ZC3H12B: variants seen among roughly 807,000 people sequenced by gnomAD.
ZC3H12B encodes zinc finger CCCH-type containing 12B.
A neutral mutation model predicts 43.9 loss-of-function variants in ZC3H12B; 7 were observed. The ratio of observed to expected loss-of-function variants is 0.16; its 90% CI spans 0.09 to 0.30. The LOEUF is 0.30. ZC3H12B is among the 10% of genes least tolerant of loss of function. The pLI is 1.00. For missense variants in ZC3H12B, 475 were observed against 670.2 expected (o/e 0.71, Z 3.22); for synonymous variants, 222 against 241.7 (o/e 0.92, Z 0.76).
chrX:65,291,237 A>G, the ZC3H12B span, among the ~76,000 whole-genome samples: 9 of 111,400 alleles, frequency 8.1e-5, no homozygotes. Flanking sequence ...CAGTATGGAA[A>G]TTCCCCGACA....
chrX:65,150,596 T>A, the ZC3H12B span, among the ~76,000 whole-genome samples: 435 of 110,965 alleles, frequency 3.9e-3, 1 homozygote, highest in Non-Finnish European at 6.6e-3. Flanking sequence ...GTGTTTGGTT[T>A]TCTGTTCTTG....
At chrX:65,352,485 A>T in the ZC3H12B span, among the ~76,000 whole-genome samples, 1 of 111,318 alleles carries the variant, frequency 9.0e-6, no homozygotes, top group Non-Finnish European at 1.9e-5. Flanking sequence ...AAAAAAGAAA[A>T]AGAAAAAGAA....
At chrX:65,144,522 G>A in the ZC3H12B span, among the ~76,000 whole-genome samples, 3 of 111,159 alleles carry the variant, frequency 2.7e-5, no homozygotes, top group African/African-American at 9.8e-5. Flanking sequence ...TTTGGGTTTG[G>A]TGTGTTCTTG....
At chrX:65,263,684 G>A in the ZC3H12B span, among the ~76,000 whole-genome samples, 1 of 111,296 alleles carries the variant, frequency 9.0e-6, no homozygotes, top group African/African-American at 3.3e-5. Context: ...CAGGGATATG[G>A]CCTTAAAAGT....
At chrX:65,163,692 G>A in the ZC3H12B span, among the ~76,000 whole-genome samples, 1 of 111,567 alleles carries the variant, frequency 9.0e-6, no homozygotes, top group Non-Finnish European at 1.9e-5. Flanking sequence ...CTTTGACTAG[G>A]AAAGGGAACT....
chrX:65,236,029 G>T, the ZC3H12B span, among the ~76,000 whole-genome samples: 3 of 111,934 alleles, frequency 2.7e-5, no homozygotes, highest in East Asian at 2.8e-4. Context: ...ATTTTTATGG[G>T]TTTAGAATGG....
intron 3 of ZC3H12B, among the ~76,000 whole-genome samples, chrX:65,450,110 G>C (rs931775896): frequency 9.3e-6 from 1 of 108,073 alleles, no homozygotes; most frequent in Non-Finnish European, 1.9e-5. Flanking sequence ...TTCAAGACCA[G>C]CCTGGCCAAG....
At chrX:65,178,819 T>C in the ZC3H12B span, among the ~76,000 whole-genome samples, 2 of 112,007 alleles carry the variant, frequency 1.8e-5, no homozygotes, top group Non-Finnish European at 3.8e-5. Flanking sequence ...GGTGGGAGTG[T>C]AAATTAGTTC....
chrX:65,348,224 G>A, the ZC3H12B span, among the ~76,000 whole-genome samples: 5 of 111,897 alleles, frequency 4.5e-5, no homozygotes, highest in Non-Finnish European at 3.8e-5. Flanking sequence ...AGAACTTAAA[G>A]TATAATTAAA....
At chrX:65,372,182 T>C (rs1397076934) in intron 2 of ZC3H12B, among the ~76,000 whole-genome samples, 2 of 112,263 alleles carry the variant, frequency 1.8e-5, no homozygotes, top group Admixed American at 1.9e-4. Context: ...AGCCATTAAC[T>C]TGCTTATTAG....
the ZC3H12B span, among the ~76,000 whole-genome samples, chrX:65,253,742 C>G: frequency 8.9e-6 from 1 of 111,915 alleles, no homozygotes; most frequent in African/African-American, 3.2e-5. Flanking sequence ...TAGCTTTGTG[C>G]TGGAAGACCA....
At chrX:65,379,199 A>G (rs2066397973) in intron 2 of ZC3H12B, among the ~76,000 whole-genome samples, 1 of 111,909 alleles carries the variant, frequency 8.9e-6, no homozygotes. Context: ...GCAGACTTAA[A>G]TGTCCCTGTC....
At chrX:65,160,462 A>T in the ZC3H12B span, among the ~76,000 whole-genome samples, 1 of 111,839 alleles carries the variant, frequency 8.9e-6, no homozygotes, top group Non-Finnish European at 1.9e-5. Context: ...CTATTCAGAG[A>T]TTCAACTTCT....
chrX:65,448,865 AAGGGAGGG>A (rs2067418960), intron 3 of ZC3H12B, among the ~76,000 whole-genome samples: 2 of 97,734 alleles, frequency 2.0e-5, no homozygotes, highest in Non-Finnish European at 4.0e-5. Flanking sequence ...AGAAGGGAGG[AAGGGAGGG>A]AGGGAAATAA....
In ZC3H12B at chrX:65,454,569, T is replaced by C. The variant is rs146166350; in HGVS notation, n.408-34077T>C. ...CCTCTGGGGGCAGGGCATAGCCAAA[T>C]AAAAGGCAGCAGAAACCTCTGCAGA... is the stretch of plus-strand genomic sequence containing the variant. On this transcript the variant is annotated intron_variant and non_coding_transcript_variant, in intron 3 of 5. Coordinates refer to the ZC3H12B transcript ENST00000617377. 2.6e-3 allele frequency among the ~76,000 whole-genome samples: 290 copies of C among 111,843 alleles called. 1 individual carries two copies. The highest frequency in any genetic ancestry group is 3.5e-3 in the Admixed American group (37 of 10,608).
the ZC3H12B span, among the ~76,000 whole-genome samples, chrX:65,277,042 A>C: frequency 1.8e-5 from 2 of 111,990 alleles, no homozygotes; most frequent in Non-Finnish European, 3.8e-5. Context: ...ACTACATGCA[A>C]ACAGAAACAA....
the ZC3H12B span, among the ~76,000 whole-genome samples, chrX:65,221,714 C>T: frequency 1.8e-5 from 2 of 108,406 alleles, no homozygotes; most frequent in African/African-American, 6.7e-5. Flanking sequence ...AAATTACCAA[C>T]AAAAAAAAAT....
the ZC3H12B span, among the ~76,000 whole-genome samples, chrX:65,229,725 G>A: frequency 3.0e-5 from 3 of 100,006 alleles, no homozygotes; most frequent in Admixed American, 1.1e-4. Flanking sequence ...GTGGGTGAAG[G>A]ACATGAACAG....
chrX:65,222,325 A>T, the ZC3H12B span, among the ~76,000 whole-genome samples: 1 of 111,013 alleles, frequency 9.0e-6, no homozygotes, highest in East Asian at 2.8e-4. Flanking sequence ...CTTCTATTCA[A>T]CACAGTAGTA....
Sources: gnomAD v4.1 joint callset for allele counts (sites outside exome capture counted in the v4.1 genomes callset) on GRCh38, gnomAD v4.1.1 for gene constraint, MANE v1.5 for transcripts, NCBI Gene and HGNC (gene_info 2026-07-23, HGNC 2026-07-21) for gene names.